Variants in ESPN observed in about 807,000 individuals in gnomAD.
ESPN encodes autosomal recessive deafness type 36 protein.
In ESPN, 68 loss-of-function variants were observed where a neutral mutation model predicts 77.7. The ratio of observed to expected loss-of-function variants is 0.87; its 90% confidence interval spans 0.72 to 1.07. The LOEUF (loss-of-function observed/expected upper bound fraction) is 1.07, where lower values mean the gene tolerates loss of function less well. Among genes scored for constraint, ESPN ranks in the 50% least tolerant of loss-of-function variants. The pLI is 0.00. For missense variants in ESPN, 1,060 were observed against 1,239.0 expected, an observed-to-expected ratio of 0.86 and a Z score of 2.17; for synonymous variants, 449 against 567.1, an observed-to-expected ratio of 0.79 and a Z score of 2.96.
intron 10 of ESPN, chr1:6,456,297 C>G: frequency 2.6e-6 from 1 of 389,034 alleles, no homozygotes; most frequent in Non-Finnish European, 4.5e-6. Context: ...CAGGAAGAGC[C>G]CAGGACTGTG....
In ESPN at chr1:6,451,582, T is replaced by A. The variant is rs1643943686; in HGVS notation, c.1916-21T>A. The A allele has an allele frequency of 1.6e-5, 26 of 1,609,988 alleles. No homozygotes were observed. Among genetic ancestry groups the A allele is most frequent in the Non-Finnish European group, 2.1e-5 (25 of 1,178,586 alleles). On this transcript the variant is annotated intron_variant, in intron 8 of 12. Transcript: ENST00000645284. The surrounding 1 kb of genome is among the most constrained non-coding windows in gnomAD (Gnocchi z 4.3). ...ATGCAGCCCCACCCTGGCCAGTGCC[T>A]CATCTCCTGCCTCCGCATAGGCACC...
chr1:6,452,611 C>G (rs1015020013), intron 10 of ESPN, among the ~76,000 whole-genome samples: 1 of 152,172 alleles, frequency 6.6e-6, no homozygotes, highest in Non-Finnish European at 1.5e-5. Flanking sequence ...AAGGCCTGTT[C>G]GGATTTAGGA....
rs1643956623 is a variant in ESPN at position 6,452,095 on chromosome 1, A to G, written c.2324A>G (p.Lys775Arg). Residue 775 changes from lysine to arginine, a missense_variant and splice_region_variant, in exon 10 of 13, where the codon AAG becomes AGG. By Grantham distance (26) the Lys-to-Arg change is conservative. This residue lies in a region of ESPN where 374 missense variants were observed against 381.4 expected (regional missense o/e 0.98). Coordinates refer to ENST00000645284, the MANE Select transcript of ESPN (RefSeq NM_031475.3). Reference sequence around the variant, plus strand: ...CAGGAGGAGGAGGAGCAGAGGCGGAAGGTGGGTGGGGCGGGGTGCCCAGGG... The same window carrying G: ...CAGGAGGAGGAGGAGCAGAGGCGGAGGGTGGGTGGGGCGGGGTGCCCAGGG... ...KMQEEEEQRR[K>R]EEEEEARLAS... The G allele has an allele frequency of 6.5e-7, 1 of 1,541,342 alleles. No individual in the cohort carries two copies.
At position 6,451,578 on chromosome 1, in the gene ESPN, T is replaced by C. The variant is rs763026263; in HGVS notation, c.1916-25T>C. The C allele has an allele frequency of 4.4e-6, 7 of 1,609,066 alleles. No individual in the cohort carries two copies. The highest frequency in any genetic ancestry group is 8.5e-7 in the Non-Finnish European group (1 of 1,178,018). The stretch of plus-strand genomic sequence containing the variant: ...GGGGATGCAGCCCCACCCTGGCCAG[T>C]GCCTCATCTCCTGCCTCCGCATAGG... On this transcript the variant is annotated intron_variant, in intron 8 of 12. Transcript: ENST00000645284. The surrounding 1 kb of genome is among the most constrained non-coding windows in gnomAD (Gnocchi z 4.3).
At chr1:6,430,484 C>G (rs1192901699) in intron 2 of ESPN, among the ~76,000 whole-genome samples, 2 of 152,178 alleles carry the variant, frequency 1.3e-5, no homozygotes, top group African/African-American at 2.4e-5. Context: ...CTGCACGTCC[C>G]CCACACCTCC....
rs1643941390 is a variant in ESPN at position 6,451,479 on chromosome 1, G to A, written c.1916-124G>A. 4.4e-6 allele frequency: 6 copies of A among 1,363,468 alleles called. No homozygotes were observed. Among genetic ancestry groups the A allele is most frequent in the Admixed American group, 2.0e-5 (1 of 50,764 alleles). 84.5% of individuals were successfully genotyped at this position (1,363,468 alleles called of 1,614,324 possible). Reference sequence around the variant, plus strand: ...GGACCTGGGATCTGGAGAGCTGCCCGCTGGCCCGGAGGATGGGCACCCATC... The same window carrying A: ...GGACCTGGGATCTGGAGAGCTGCCCACTGGCCCGGAGGATGGGCACCCATC... On this transcript the variant is annotated intron_variant, in intron 8 of 12. Coordinates refer to ENST00000645284, the MANE Select transcript of ESPN (RefSeq NM_031475.3). This position sits in a 1 kb window ranked among gnomAD's most constrained non-coding sequence, Gnocchi z 4.3.
At chr1:6,442,047 T>A (rs75242862) in intron 5 of ESPN, among the ~76,000 whole-genome samples, 4 of 152,072 alleles carry the variant, frequency 2.6e-5, no homozygotes, top group Non-Finnish European at 5.9e-5. Flanking sequence ...GGATGGACAC[T>A]GGGAAGGGCA....
chr1:6,441,408 A>C (rs72861511), intron 5 of ESPN, among the ~76,000 whole-genome samples: 199 of 152,296 alleles, frequency 1.3e-3, no homozygotes, highest in African/African-American at 4.6e-3. Flanking sequence ...AAGAGTGTTT[A>C]AGTGTCCCGT....
At chr1:6,453,416 G>A (rs1456591985) in intron 10 of ESPN, among the ~76,000 whole-genome samples, 3 of 152,232 alleles carry the variant, frequency 2.0e-5, no homozygotes, top group African/African-American at 7.2e-5. Flanking sequence ...AGCCCTAACC[G>A]GCCACCTTAT....
Position 6,427,856 on chromosome 1 carries a change from G to T in ESPN, c.295-370G>T, listed in dbSNP as rs1462908686. 1.3e-5 allele frequency among the ~76,000 whole-genome samples: 2 copies of T among 152,182 alleles called. No individual in the cohort carries two copies. Among genetic ancestry groups the T allele is most frequent in the Non-Finnish European group, 2.9e-5 (2 of 68,024 alleles). On this transcript the variant is annotated intron_variant, in intron 1 of 12. Transcript: ENST00000645284. This position sits in a 1 kb window ranked among gnomAD's most constrained non-coding sequence, Gnocchi z 4.6. ...CAGTAACCCTGTGTCACTCCTTCAG[G>T]CATTCCCTGAGTCCCTGGGAGTCAG...
intron 10 of ESPN, chr1:6,455,900 G>A: frequency 2.5e-6 from 1 of 398,960 alleles, no homozygotes; most frequent in Non-Finnish European, 4.4e-6. Context: ...AACAGGCGAA[G>A]GAAAAGGAAG....
chr1:6,454,641 C>T (rs1644016445), intron 10 of ESPN: 2 of 398,818 alleles, frequency 5.0e-6, no homozygotes, highest in South Asian at 2.5e-4. Flanking sequence ...GGAGCAGCTG[C>T]TGCCCATCTC....
chr1:6,429,823 G>C lies in ESPN; in HGVS notation c.488+1404G>C, dbSNP rs529237400. On this transcript the variant is annotated intron_variant, in intron 2 of 12. Coordinates refer to ENST00000645284, the MANE Select transcript of ESPN (RefSeq NM_031475.3). ...CTGACCCCCTCCCAGGCCATGCCAGGTGCTGTGTGTGATTGGGCGCTGGTG... is the reference window on the plus strand; with the variant it reads ...CTGACCCCCTCCCAGGCCATGCCAGCTGCTGTGTGTGATTGGGCGCTGGTG... 2.6e-5 allele frequency: 4 copies of C among 152,980 alleles called. No individual in the cohort carries two copies. The South Asian group carries it at 8.3e-4, about 32-fold the overall frequency. The allele number at this position is 152,980 out of a possible 1,614,324, so 9.5% of individuals were successfully genotyped here.
chr1:6,455,264 C>G (rs1644030878), intron 10 of ESPN: 6 of 389,552 alleles, frequency 1.5e-5, no homozygotes, highest in Non-Finnish European at 2.3e-5. Flanking sequence ...ACTACCTCGA[C>G]CTGCGCAAGG....
At position 6,449,061 on chromosome 1, in the gene ESPN, G is replaced by A. The variant is rs1193435529; in HGVS notation, c.1885G>A (p.Gly629Arg). The change falls in exon 8 of 13, where the codon GGG becomes AGG. Residue 629 changes from glycine (G) to arginine (R), a missense_variant. Around this residue, in one of 3 missense-constraint regions of ESPN, gnomAD observed 374 missense variants for 381.4 expected, o/e 0.98. Transcript: ENST00000645284. ...CCTCGAGAGCGCTGGCCCTGGCTGC[G>A]GGCAGCGCCGCTCCTCCTCGTCCAC... Reference protein sequence around the residue: ...LPLESAGPGCGQRRSSSSTGS... With the variant: ...LPLESAGPGCRQRRSSSSTGS... 6.7e-7 allele frequency: 1 copy of A among 1,483,526 alleles called. No individual in the cohort carries two copies. The allele number at this position is 1,483,526 out of a possible 1,614,324, so 91.9% of individuals were successfully genotyped here. A position where few individuals can be genotyped will look rare whatever the true frequency, so the allele number is the denominator to read the frequency against.
chr1:6,440,974 T>TCCGCGA lies in ESPN; in HGVS notation c.907_912dup (p.Arg303_Asp304dup). The stretch of plus-strand genomic sequence containing the variant: ...GTAGTGAACGGCGCGGAGCTGGACG[T>TCCGCGA]CCGCGACCGCGACGGGTACACGGCC... On this transcript the variant is annotated inframe_insertion, in exon 5 of 13. Coordinates refer to ENST00000645284, the MANE Select transcript of ESPN (RefSeq NM_031475.3). The TCCGCGA allele has an allele frequency of 6.2e-7, 1 of 1,604,060 alleles. No homozygotes were observed. The highest frequency in any genetic ancestry group is 1.1e-5 in the South Asian group (1 of 89,596).
intron 12 of ESPN, among the ~76,000 whole-genome samples, chr1:6,458,626 A>T (rs528661221): frequency 5.0e-4 from 76 of 151,030 alleles, no homozygotes; most frequent in Middle Eastern, 3.4e-3. Context: ...TGCAAAAAAA[A>T]TTTTTTTTAA....
intron 10 of ESPN, chr1:6,456,074 C>G: frequency 2.5e-6 from 1 of 398,038 alleles, no homozygotes; most frequent in Non-Finnish European, 4.4e-6. Flanking sequence ...CCGAAGCCCC[C>G]GCCGAAGACC....
intron 5 of ESPN, 88 bp downstream of exon 5, chr1:6,441,153 G>T: frequency 6.5e-7 from 1 of 1,538,094 alleles, no homozygotes; most frequent in Non-Finnish European, 8.8e-7. Flanking sequence ...TACCAAGGAG[G>T]AAGCTGAGGT....
Sources: allele counts gnomAD v4.1 joint callset (sites outside exome capture counted in the v4.1 genomes callset), GRCh38; gene constraint gnomAD v4.1.1; regional missense constraint gnomAD v4.1.1; non-coding constraint Gnocchi (gnomAD v3.1); transcripts MANE v1.5; gene names NCBI Gene and HGNC (gene_info 2026-07-23, HGNC 2026-07-21).